Variants in FBXO25 observed in about 807,000 individuals in gnomAD.
FBXO25 encodes F-box protein 25.
FBXO25 carries 45 observed loss-of-function variants against 51.9 expected under a neutral mutation model. The ratio of observed to expected loss-of-function variants is 0.87; its 90% CI spans 0.68 to 1.11. FBXO25 has a LOEUF of 1.11. FBXO25 is among the 50% of genes most tolerant of loss of function. The pLI, the probability that FBXO25 is intolerant of heterozygous loss-of-function variation, is 0.00. For missense variants in FBXO25, 507 were observed against 428.5 expected (o/e 1.18, Z -1.62); for synonymous variants, 199 against 151.0 (o/e 1.32, Z -2.33).
At chr8:428,854 T>C (rs1335816375) in intron 2 of FBXO25, among the ~76,000 whole-genome samples, 2 of 152,246 alleles carry the variant, frequency 1.3e-5, no homozygotes, top group Non-Finnish European at 2.9e-5. Flanking sequence ...AGCCCTGTTG[T>C]AGCATGTGTC....
rs761364341 is a variant in FBXO25 at position 451,415 on chromosome 8, G to A, written c.622G>A (p.Ala208Thr). ...IWICRLETILAWQQQLQDLQM... is the reference protein window; with the variant it reads ...IWICRLETILTWQQQLQDLQM... ...GATTTGCCGATTAGAAACTATTCTC[G>A]CCTGGCAACAACAGCTACAGGATCT... The change falls in exon 7 of 10, where the codon GCC becomes ACC. Residue 208 changes from alanine to threonine, a missense_variant. Coordinates refer to ENST00000350302, the MANE Select transcript of FBXO25 (RefSeq NM_183420.2). 7.4e-6 allele frequency: 12 copies of A among 1,613,792 alleles called. 1 individual carries two copies. In the East Asian group the frequency reaches 8.9e-5, roughly 12 times the overall value.
At position 475,360 on chromosome 8, in the gene FBXO25, T is replaced by C. The variant is rs999584486; in HGVS notation, c.*6556T>C. ...ATTATTGTAGCTTTGTCGTAAGTTA[T>C]GAAATAAGGAAGTGAGAGACCTCCT... On this transcript the variant is annotated 3_prime_UTR_variant, in exon 10 of 10. Transcript: ENST00000350302. 5 of 157,884 alleles carry C rather than the reference T, an allele frequency of 3.2e-5. No homozygotes were observed. Among genetic ancestry groups the C allele is most frequent in the Non-Finnish European group, 5.6e-5 (4 of 71,980 alleles). The allele number at this position is 157,884 out of a possible 1,614,324, so 9.8% of individuals were successfully genotyped here.
intron 5 of FBXO25, among the ~76,000 whole-genome samples, chr8:444,849 A>G (rs1267092041): frequency 2.6e-5 from 4 of 152,206 alleles, no homozygotes; most frequent in Non-Finnish European, 5.9e-5. Context: ...TCTGTAGCCT[A>G]GCTGTGTAGG....
In FBXO25 at chr8:458,578, C is replaced by G. The variant is rs781126527; in HGVS notation, c.843+27C>G. Reference sequence around the variant, plus strand: ...TGAGTGGGATGCAGCAGTCTCCCCTCAGGCTGGGAGTTTATAGACTCTGCC... The same window carrying G: ...TGAGTGGGATGCAGCAGTCTCCCCTGAGGCTGGGAGTTTATAGACTCTGCC... On this transcript the variant is annotated intron_variant, in intron 8 of 9. Transcript: ENST00000350302. 5 of 1,609,422 alleles carry G rather than the reference C, an allele frequency of 3.1e-6. No homozygotes were observed. In the East Asian group the frequency reaches 6.7e-5, roughly 22 times the overall value.
intron 7 of FBXO25, among the ~76,000 whole-genome samples, chr8:455,603 T>C (rs926325923): frequency 1.3e-5 from 2 of 152,160 alleles, no homozygotes; most frequent in African/African-American, 4.8e-5. Flanking sequence ...TAAAATAGAA[T>C]GATAATAGCA....
chr8:431,691 A>G (rs1363770861), intron 3 of FBXO25, among the ~76,000 whole-genome samples: 2 of 152,214 alleles, frequency 1.3e-5, no homozygotes, highest in Admixed American at 1.3e-4. Context: ...GAATGCTTGA[A>G]TTATGGTCAT....
intron 2 of FBXO25, among the ~76,000 whole-genome samples, chr8:428,971 T>C (rs552653186): frequency 6.6e-6 from 1 of 152,360 alleles, no homozygotes; most frequent in Admixed American, 6.5e-5. Flanking sequence ...CTTCCATGTT[T>C]ATCTGTTGCA....
At chr8:467,695 T>C in intron 9 of FBXO25, 1 of 1,613,648 alleles carries the variant, frequency 6.2e-7, no homozygotes, top group Non-Finnish European at 8.5e-7. Context: ...CATTCCTTCC[T>C]GATTCTTTCT....
Position 468,785 on chromosome 8 carries a change from T to A in FBXO25, c.1058T>A (p.Ile353Asn). The change falls in exon 10 of 10, where the codon ATC becomes AAC. Residue 353 changes from isoleucine (I) to asparagine (N), a missense_variant. Ile to Asn is a moderately radical substitution (Grantham distance 149). Transcript: ENST00000350302. ...CFTPVSPQHF[I>N]DLFKF ...ACGCCTGTGTCTCCGCAGCACTTCA[T>A]CGACCTCTTCAAGTTTTAAGGGCTG... The A allele has an allele frequency of 6.2e-7, 1 of 1,613,994 alleles. No individual in the cohort carries two copies. The highest frequency in any genetic ancestry group is 8.5e-7 in the Non-Finnish European group (1 of 1,179,994).
intron 5 of FBXO25, among the ~76,000 whole-genome samples, chr8:437,115 T>A (rs1035124977): frequency 3.9e-5 from 6 of 152,238 alleles, no homozygotes; most frequent in African/African-American, 1.4e-4. Flanking sequence ...GGGTAGCTTT[T>A]CTTCAAATTT....
intron 8 of FBXO25, among the ~76,000 whole-genome samples, chr8:459,864 A>G (rs897235332): frequency 9.9e-5 from 15 of 152,210 alleles, no homozygotes; most frequent in African/African-American, 3.4e-4. Flanking sequence ...GGCCATGGAC[A>G]GAGAGATTAA....
At position 462,993 on chromosome 8, in the gene FBXO25, TTTTG is replaced by T. The variant is rs1277854330; in HGVS notation, c.844-6_844-3del. The T allele has an allele frequency of 1.9e-6, 3 of 1,596,738 alleles. No homozygotes were observed. Among genetic ancestry groups the T allele is most frequent in the Non-Finnish European group, 1.7e-6 (2 of 1,173,752 alleles). ...CATCTTATGCGGATTCTGAATGGAG[TTTTG>T]TTTGTTTAGTTTTGTAGACATTTGA... On this transcript the variant is annotated splice_polypyrimidine_tract_variant and intron_variant, in intron 8 of 9. Transcript: ENST00000350302.
At chr8:434,632 C>T (rs1249717942) in intron 4 of FBXO25, among the ~76,000 whole-genome samples, 1 of 152,134 alleles carries the variant, frequency 6.6e-6, no homozygotes, top group African/African-American at 2.4e-5. Flanking sequence ...CTCAAGTCAC[C>T]TGTTTGGAAT....
rs1435309810 is a variant in FBXO25, at chr8:470,850, TTTC to T, written c.*2049_*2051del. The T allele has an allele frequency of 6.6e-6, 1 of 152,210 alleles. No homozygotes were observed. Among genetic ancestry groups the T allele is most frequent in the African/African-American group, 2.4e-5 (1 of 41,442 alleles). The allele number at this position is 152,210 out of a possible 1,614,324, so 9.4% of individuals were successfully genotyped here. A position where few individuals can be genotyped will look rare whatever the true frequency, so the allele number is the denominator to read the frequency against. The stretch of plus-strand genomic sequence containing the variant: ...TCCATATATTTATTATCCATTTGCT[TTTC>T]TTGTTTTTGGTAAATTACTTAATGT... On this transcript the variant is annotated 3_prime_UTR_variant, in exon 10 of 10. Transcript: ENST00000350302.
At chr8:447,846 A>G (rs1017505319) in intron 5 of FBXO25, among the ~76,000 whole-genome samples, 1 of 152,080 alleles carries the variant, frequency 6.6e-6, no homozygotes, top group South Asian at 2.1e-4. Flanking sequence ...AGTTTGGAGG[A>G]TTCTGGATTT....
Position 469,527 on chromosome 8 carries a change from G to A in FBXO25, c.*723G>A, listed in dbSNP as rs1585118448. On this transcript the variant is annotated 3_prime_UTR_variant, in exon 10 of 10. Transcript: ENST00000350302. ...GTGCAGTCTAAACTTCAATTGTGTT[G>A]AAACTACTTTAATAGACAAAGTAAT... The A allele has an allele frequency of 6.6e-6, 1 of 152,186 alleles. No individual in the cohort carries two copies. The highest frequency in any genetic ancestry group is 1.5e-5 in the Non-Finnish European group (1 of 68,044). 9.4% of individuals were successfully genotyped at this position (152,186 alleles called of 1,614,324 possible).
rs1257308160 is a variant in FBXO25 at position 469,085 on chromosome 8, ATACTT to A, written c.*284_*288del. ...CTCTCTCTATATATATAGTTCAAAA[ATACTT>A]TAGGTGGTCAGCTCCACATTCTTTG... On this transcript the variant is annotated 3_prime_UTR_variant, in exon 10 of 10. Coordinates refer to ENST00000350302, the MANE Select transcript of FBXO25 (RefSeq NM_183420.2). The A allele has an allele frequency of 1.6e-5, 5 of 310,462 alleles. No homozygotes were observed. The highest frequency in any genetic ancestry group is 6.5e-5 in the African/African-American group (3 of 46,446). 19.2% of individuals were successfully genotyped at this position (310,462 alleles called of 1,614,324 possible). A position where few individuals can be genotyped will look rare whatever the true frequency, so the allele number is the denominator to read the frequency against.
At chr8:463,620 A>C (rs1799958422) in intron 9 of FBXO25, among the ~76,000 whole-genome samples, 1 of 152,240 alleles carries the variant, frequency 6.6e-6, no homozygotes, top group Non-Finnish European at 1.5e-5. Context: ...TCTTAGAAAA[A>C]AAGTGTCCAT....
intron 7 of FBXO25, among the ~76,000 whole-genome samples, chr8:456,452 A>G (rs374314610): frequency 1.6e-4 from 24 of 152,296 alleles, no homozygotes; most frequent in African/African-American, 5.5e-4. Flanking sequence ...TGAATCAAAC[A>G]TTCGTCAGTA....
Sources: gnomAD v4.1 joint callset for allele counts (sites outside exome capture counted in the v4.1 genomes callset) on GRCh38, gnomAD v4.1.1 for gene constraint, MANE v1.5 for transcripts, NCBI Gene and HGNC (gene_info 2026-07-23, HGNC 2026-07-21) for gene names.